The following ADGRL3 variants were observed in gnomAD, a reference collection of about 807,000 sequenced individuals.
The protein encoded by ADGRL3 is calcium-independent alpha-latrotoxin receptor 3.
In ADGRL3, 62 loss-of-function variants were observed where a neutral mutation model predicts 153.5. The observed-to-expected ratio is 0.40, with a 90% CI of 0.33 to 0.50. The LOEUF (loss-of-function observed/expected upper bound fraction) is 0.50, where lower values mean the gene tolerates loss of function less well. Ranked by LOEUF, ADGRL3 falls within the 20% of genes least tolerant of loss-of-function variation. The pLI is 0.47. For missense variants in ADGRL3, 1,641 were observed against 1,859.4 expected, an observed-to-expected ratio of 0.88 and a Z score of 2.16; for synonymous variants, 710 against 672.5, an observed-to-expected ratio of 1.06 and a Z score of -0.86.
At chr4:61,645,020 A>T (rs1171971563) in intron 5 of ADGRL3, among the ~76,000 whole-genome samples, 1 of 152,018 alleles carries the variant, frequency 6.6e-6, no homozygotes, top group Admixed American at 6.6e-5. Context: ...TGTTGAATTG[A>T]TCCTTTACCA....
intron 2 of ADGRL3, among the ~76,000 whole-genome samples, chr4:61,428,938 T>TATC (rs1327261284): frequency 9.5e-5 from 14 of 148,126 alleles, no homozygotes; most frequent in Admixed American, 2.8e-4. Context: ...TCTATCTATC[T>TATC]ATCTGTCATT....
At chr4:61,768,388 C>T (rs754823863) in intron 8 of ADGRL3, among the ~76,000 whole-genome samples, 52 of 151,852 alleles carry the variant, frequency 3.4e-4, no homozygotes, top group Non-Finnish European at 6.9e-4. Context: ...TAGAAAGACT[C>T]AGCGACGCTT....
intron 19 of ADGRL3, among the ~76,000 whole-genome samples, chr4:61,985,708 T>C (rs2099082786): frequency 6.6e-6 from 1 of 152,166 alleles, no homozygotes; most frequent in African/African-American, 2.4e-5. Context: ...ACTATGCTAT[T>C]TTAAGCACCA....
chr4:61,835,595 T>A (rs1232237946), intron 9 of ADGRL3, among the ~76,000 whole-genome samples: 1 of 152,162 alleles, frequency 6.6e-6, no homozygotes, highest in Non-Finnish European at 1.5e-5. Context: ...GCTTTTGAGC[T>A]TTGCCAAAGG....
intron 25 of ADGRL3, among the ~76,000 whole-genome samples, chr4:62,046,326 A>G (rs532187579): frequency 6.6e-6 from 1 of 151,970 alleles, no homozygotes; most frequent in Non-Finnish European, 1.5e-5. Flanking sequence ...ATGTAAAGAT[A>G]GTAAGGTGTG....
chr4:61,509,968 T>C (rs901959424), intron 3 of ADGRL3, among the ~76,000 whole-genome samples: 5 of 152,320 alleles, frequency 3.3e-5, no homozygotes, highest in African/African-American at 1.2e-4. Context: ...TTCTGACTGG[T>C]GTGAGATGGT....
chr4:61,355,343 T>G (rs911578007), intron 1 of ADGRL3, among the ~76,000 whole-genome samples: 1 of 152,144 alleles, frequency 6.6e-6, no homozygotes, highest in African/African-American at 2.4e-5. Flanking sequence ...AGAGGCAATA[T>G]ATCTTATTCT....
rs747500978 is a variant in ADGRL3 at position 61,947,000 on chromosome 4, G to A, written c.2506G>A (p.Ala836Thr). ...TGCCAGTATGAAGTTGGGAACGGAAGCTTTGTCCACAAATCATTCTGTTAT... is the reference window on the plus strand; with the variant it reads ...TGCCAGTATGAAGTTGGGAACGGAAACTTTGTCCACAAATCATTCTGTTAT... ...ENASMKLGTE[A>T]LSTNHSVIVN... is the part of the protein sequence containing the mutation. Residue 836 changes from alanine (A) to threonine (T), a missense_variant, in exon 16 of 27, where the codon GCT (alanine) becomes ACT (threonine). Physicochemically the swap from Ala to Thr is moderately conservative, Grantham distance 58 (BLOSUM62 0). Around this residue, in one of 5 missense-constraint regions of ADGRL3, gnomAD observed 734 missense variants for 797.0 expected, o/e 0.92. Transcript: ENST00000683033. 1.9e-6 allele frequency: 3 copies of A among 1,613,752 alleles called. No individual in the cohort carries two copies. Among genetic ancestry groups the A allele is most frequent in the South Asian group, 2.2e-5 (2 of 91,080 alleles).
chr4:61,374,069 G>A (rs1560538695), intron 1 of ADGRL3, among the ~76,000 whole-genome samples: 2 of 152,072 alleles, frequency 1.3e-5, no homozygotes, highest in Non-Finnish European at 2.9e-5. Flanking sequence ...ACCTTATTAT[G>A]ACTAGCTTGA....
At chr4:61,704,858 G>T (rs182361751) in intron 6 of ADGRL3, among the ~76,000 whole-genome samples, 64 of 152,284 alleles carry the variant, frequency 4.2e-4, no homozygotes, top group African/African-American at 1.5e-3. Flanking sequence ...TTCATAGGTA[G>T]CAGCTTCTCA....
chr4:61,416,160 T>A (rs891918325), intron 2 of ADGRL3, among the ~76,000 whole-genome samples: 39 of 152,094 alleles, frequency 2.6e-4, no homozygotes, highest in African/African-American at 9.2e-4. Flanking sequence ...TCCATAAAAA[T>A]GCTATATGAC....
At position 61,978,166 on chromosome 4, in the gene ADGRL3, G is replaced by C. The variant is rs554234621; in HGVS notation, c.2806-1397G>C. Among the ~76,000 whole-genome samples the C allele has an allele frequency of 3.4e-3, 517 of 152,138 alleles. 4 individuals carry two copies. Among genetic ancestry groups the C allele is most frequent in the Middle Eastern group, 6.8e-3 (2 of 294 alleles). On this transcript the variant is annotated intron_variant, in intron 17 of 26. Coordinates refer to ENST00000683033, the MANE Select transcript of ADGRL3 (RefSeq NM_001387552.1). ...TGTATGATCTATATAGTTGAAAAAAGTATCAATTAGAAAGACAACTCCTTC... is the reference window on the plus strand; with the variant it reads ...TGTATGATCTATATAGTTGAAAAAACTATCAATTAGAAAGACAACTCCTTC...
intron 17 of ADGRL3, among the ~76,000 whole-genome samples, chr4:61,957,308 G>A (rs1372307008): frequency 2.0e-5 from 3 of 152,062 alleles, no homozygotes; most frequent in Non-Finnish European, 2.9e-5. Flanking sequence ...TTTTGAATGA[G>A]AGTCCATTCA....
chr4:61,444,488 A>G (rs756613450), intron 2 of ADGRL3, among the ~76,000 whole-genome samples: 10 of 152,074 alleles, frequency 6.6e-5, no homozygotes, highest in Non-Finnish European at 1.5e-5. Flanking sequence ...CCTTCCTTAG[A>G]ACCTTCTCAA....
intron 8 of ADGRL3, among the ~76,000 whole-genome samples, chr4:61,792,019 C>A (rs887708770): frequency 1.3e-5 from 2 of 152,196 alleles, no homozygotes; most frequent in East Asian, 1.9e-4. Flanking sequence ...GCCTGGAGAC[C>A]TTTTCCCCTT....
At chr4:61,517,266 G>C in intron 3 of ADGRL3, 49 bp from the exon 4 acceptor site, 1 of 694,656 alleles carries the variant, frequency 1.4e-6, no homozygotes, top group South Asian at 1.5e-5. Context: ...CCCCTGAGGC[G>C]GGACTGAGGT....
intron 5 of ADGRL3, among the ~76,000 whole-genome samples, chr4:61,632,787 C>T (rs2093243304): frequency 6.6e-6 from 1 of 152,094 alleles, no homozygotes; most frequent in African/African-American, 2.4e-5. Context: ...GATAAATGAC[C>T]TTTCTGGGTT....
intron 25 of ADGRL3, among the ~76,000 whole-genome samples, chr4:62,053,654 A>T (rs561734228): frequency 1.4e-3 from 206 of 151,708 alleles, no homozygotes; most frequent in African/African-American, 4.8e-3. Context: ...GTCTAAATAG[A>T]ACAGAGCTGA....
intron 5 of ADGRL3, among the ~76,000 whole-genome samples, chr4:61,637,337 A>G (rs1268220438): frequency 6.6e-6 from 1 of 152,228 alleles, no homozygotes; most frequent in Admixed American, 6.5e-5. Flanking sequence ...CTCATGCAGC[A>G]GAAGCCAAGC....
Sources: gnomAD v4.1 joint callset for allele counts (sites outside exome capture counted in the v4.1 genomes callset) on GRCh38, gnomAD v4.1.1 for gene constraint, gnomAD v4.1.1 regional missense constraint, MANE v1.5 for transcripts, NCBI Gene and HGNC (gene_info 2026-07-23, HGNC 2026-07-21) for gene names.